The following KCNAB1 variants were observed in gnomAD, a reference collection of about 807,000 sequenced individuals.
The protein encoded by KCNAB1 is voltage-gated potassium channel subunit beta-1.
KCNAB1 carries 35 observed loss-of-function variants against 64.6 expected under a neutral mutation model. That is an observed-to-expected ratio of 0.54 (90% CI 0.41 to 0.72). The LOEUF (loss-of-function observed/expected upper bound fraction) is 0.72, where lower values mean the gene tolerates loss of function less well. Ranked by LOEUF, KCNAB1 falls within the 30% of genes least tolerant of loss-of-function variation. The pLI, the probability that KCNAB1 is intolerant of heterozygous loss-of-function variation, is 0.00. For synonymous variants in KCNAB1, 177 were observed against 183.8 expected, an observed-to-expected ratio of 0.96 and a Z score of 0.30; for missense variants, 401 against 512.9, an observed-to-expected ratio of 0.78 and a Z score of 2.11.
At chr3:156,244,293 A>G (rs982150769) in intron 1 of KCNAB1, among the ~76,000 whole-genome samples, 2 of 151,744 alleles carry the variant, frequency 1.3e-5, no homozygotes, top group African/African-American at 2.4e-5. Flanking sequence ...CATCACTCCA[A>G]CCTCCAGTTC....
rs376973114 is a variant in KCNAB1 at position 156,523,841 on chromosome 3, G to T, written c.975G>T (p.Leu325Phe). 2.5e-6 allele frequency: 4 copies of T among 1,613,194 alleles called. No homozygotes were observed. In the African/African-American group the frequency reaches 5.3e-5, roughly 22 times the overall value. The change falls in exon 12 of 14, where the codon TTG becomes TTT. Residue 325 changes from leucine to phenylalanine, a missense_variant. Coordinates refer to ENST00000490337, the MANE Select transcript of KCNAB1 (RefSeq NM_172160.3). ...SRASLKCYQW[L>F]KERIVSEEGR... is the part of the protein sequence containing the mutation. ...CTTTTCCCCAGTGCTACCAGTGGTT[G>T]AAAGAAAGAATTGTAAGTGAAGAAG... is the stretch of plus-strand genomic sequence containing the variant.
intron 1 of KCNAB1, among the ~76,000 whole-genome samples, chr3:156,343,708 T>C (rs3772238): frequency 0.12 from 17,641 of 152,210 alleles, 1,064 homozygotes; most frequent in Middle Eastern, 0.23. Flanking sequence ...TCTTTAGGAT[T>C]GGAGAGTTTA....
intron 12 of KCNAB1, among the ~76,000 whole-genome samples, chr3:156,526,099 A>G (rs977998380): frequency 3.9e-5 from 6 of 152,116 alleles, no homozygotes; most frequent in African/African-American, 1.4e-4. Context: ...TACCTTTTCT[A>G]TGTTTAGATA....
At chr3:156,354,503 C>T (rs1047681607) in intron 1 of KCNAB1, among the ~76,000 whole-genome samples, 5 of 151,778 alleles carry the variant, frequency 3.3e-5, no homozygotes, top group African/African-American at 7.3e-5. Flanking sequence ...TCACCGGGCC[C>T]GAACACAGCA....
At chr3:156,207,965 G>A (rs992861146) in intron 1 of KCNAB1, among the ~76,000 whole-genome samples, 1 of 152,152 alleles carries the variant, frequency 6.6e-6, no homozygotes, top group Non-Finnish European at 1.5e-5. Flanking sequence ...TTTGGCCTTG[G>A]GTTTTGCTCC....
chr3:156,315,256 G>A (rs954089149), intron 1 of KCNAB1, among the ~76,000 whole-genome samples: 1 of 152,150 alleles, frequency 6.6e-6, no homozygotes, highest in Non-Finnish European at 1.5e-5. Context: ...CCTTGCCAAT[G>A]GAAAAGGAGG....
At chr3:156,324,430 G>A (rs1029448077) in intron 1 of KCNAB1, among the ~76,000 whole-genome samples, 3 of 152,286 alleles carry the variant, frequency 2.0e-5, no homozygotes, top group African/African-American at 7.2e-5. Flanking sequence ...TGTTGCCCAT[G>A]TATGTTTCCC....
At chr3:156,390,606 G>A (rs1288266599) in intron 1 of KCNAB1, among the ~76,000 whole-genome samples, 2 of 150,644 alleles carry the variant, frequency 1.3e-5, no homozygotes, top group African/African-American at 2.5e-5. Flanking sequence ...TTCTTGAGAC[G>A]GAGTCTCGCT....
At chr3:156,120,993 A>G (rs72554023) in intron 1 of KCNAB1, 107 bp downstream of exon 1, 17,043 of 1,346,364 alleles carry the variant, frequency 0.013, 133 homozygotes, top group Middle Eastern at 0.017. Context: ...AACGGCTCTA[A>G]TTGCCTTAGA....
Position 156,164,743 on chromosome 3 carries a change from T to C in KCNAB1, c.275+43857T>C, listed in dbSNP as rs116679999. 9.1e-3 allele frequency among the ~76,000 whole-genome samples: 1,381 copies of C among 152,272 alleles called. 22 individuals are homozygous for C. Among genetic ancestry groups the C allele is most frequent in the African/African-American group, 0.032 (1,313 of 41,556 alleles). On this transcript the variant is annotated intron_variant, in intron 1 of 13. Coordinates refer to ENST00000490337, the MANE Select transcript of KCNAB1 (RefSeq NM_172160.3). ...TGGAGATCTAGGGCTCAGGACTCTT[T>C]TTACAATATGTTTCTCATTAAAACT...
At chr3:156,509,482 C>A (rs1306756030) in intron 8 of KCNAB1, among the ~76,000 whole-genome samples, 3 of 152,152 alleles carry the variant, frequency 2.0e-5, no homozygotes, top group Admixed American at 1.3e-4. Context: ...ACACTAGAAT[C>A]ATCATCTGGG....
At position 156,144,718 on chromosome 3, in the gene KCNAB1, G is replaced by A. The variant is rs114817795; in HGVS notation, c.275+23832G>A. On this transcript the variant is annotated intron_variant, in intron 1 of 13. Transcript: ENST00000490337. Reference sequence around the variant, plus strand: ...AGTGATGGTGATGTGAACACAGATCGGGCGAAGGGGAAGATGGACCATTTC... The same window carrying A: ...AGTGATGGTGATGTGAACACAGATCAGGCGAAGGGGAAGATGGACCATTTC... Among the ~76,000 whole-genome samples, 669 of 152,250 alleles carry A rather than the reference G, an allele frequency of 4.4e-3. 4 individuals are homozygous for A. The highest frequency in any genetic ancestry group is 0.015 in the African/African-American group (636 of 41,524).
intron 11 of KCNAB1, among the ~76,000 whole-genome samples, chr3:156,521,373 G>T (rs1388824344): frequency 6.6e-6 from 1 of 152,088 alleles, no homozygotes; most frequent in Non-Finnish European, 1.5e-5. Context: ...TCTGAAAAAC[G>T]GGAAGAGATT....
intron 4 of KCNAB1, among the ~76,000 whole-genome samples, chr3:156,458,971 C>T (rs879564189): frequency 4.6e-5 from 7 of 152,168 alleles, no homozygotes; most frequent in South Asian, 4.1e-4. Context: ...ACAGCTAACC[C>T]GCATCATGGC....
At chr3:156,478,460 T>C (rs758605239) in intron 8 of KCNAB1, among the ~76,000 whole-genome samples, 7 of 152,106 alleles carry the variant, frequency 4.6e-5, no homozygotes, top group Non-Finnish European at 7.4e-5. Flanking sequence ...ACAGGGGACG[T>C]AGCACTTTCA....
intron 1 of KCNAB1, among the ~76,000 whole-genome samples, chr3:156,332,687 C>T (rs1723425478): frequency 6.6e-6 from 1 of 152,154 alleles, no homozygotes. Context: ...CACAGTCAGA[C>T]CCAGATGTCT....
At chr3:156,465,577 C>T (rs1197745918) in intron 6 of KCNAB1, 66 bp from the exon 7 acceptor site, 1 of 1,438,594 alleles carries the variant, frequency 7.0e-7, no homozygotes, top group African/African-American at 1.4e-5. Flanking sequence ...CAATTCAGAC[C>T]AGAGATTTAG....
intron 1 of KCNAB1, among the ~76,000 whole-genome samples, chr3:156,337,433 A>T (rs1190846544): frequency 1.3e-5 from 2 of 150,820 alleles, no homozygotes; most frequent in Non-Finnish European, 3.0e-5. Context: ...CTCATTCCTT[A>T]TTCTCTCATC....
intron 1 of KCNAB1, among the ~76,000 whole-genome samples, chr3:156,121,542 A>G (rs1370169188): frequency 6.6e-6 from 1 of 152,202 alleles, no homozygotes; most frequent in Non-Finnish European, 1.5e-5. Context: ...TAATTTCACA[A>G]ATCCCAGTGT....
Sources: gnomAD v4.1 joint callset for allele counts (sites outside exome capture counted in the v4.1 genomes callset) on GRCh38, gnomAD v4.1.1 for gene constraint, MANE v1.5 for transcripts, NCBI Gene and HGNC (gene_info 2026-07-23, HGNC 2026-07-21) for gene names.